Variants in SERPINF2 observed in about 807,000 individuals in gnomAD.
The protein encoded by SERPINF2 is alpha-2-antiplasmin.
SERPINF2 carries 15 observed loss-of-function variants against 45.0 expected under a neutral mutation model. The observed-to-expected ratio is 0.33, with a 90% CI of 0.22 to 0.51. The LOEUF is 0.51. Ranked by LOEUF, SERPINF2 falls within the 20% of genes least tolerant of loss-of-function variation. The probability of loss-of-function intolerance (pLI) is 0.97; values close to 1 mark genes in which losing one functional copy is unlikely to be tolerated. For synonymous variants in SERPINF2, 283 were observed against 277.9 expected, an observed-to-expected ratio of 1.02 and a Z score of -0.18; for missense variants, 518 against 637.4, an observed-to-expected ratio of 0.81 and a Z score of 2.02.
At chr17:1,747,538 C>T in intron 7 of SERPINF2, 26 bp downstream of exon 7, 2 of 1,609,274 alleles carry the variant, frequency 1.2e-6, no homozygotes, top group Non-Finnish European at 1.7e-6. Flanking sequence ...TCTCAGATCC[C>T]CCACCCTGTA....
At position 1,754,695 on chromosome 17, in the gene SERPINF2, G is replaced by GGGGGGGGGGGGGGGC; in HGVS notation, c.*161_*162insGGGGGGGGGGGGGGC. 1 of 316,616 alleles carries GGGGGGGGGGGGGGGC rather than the reference G, an allele frequency of 3.2e-6. No individual in the cohort carries two copies. The highest frequency in any genetic ancestry group is 5.7e-6 in the Non-Finnish European group (1 of 175,558). The allele number at this position is 316,616 out of a possible 1,614,324, so 19.6% of individuals were successfully genotyped here. A position where few individuals can be genotyped will look rare whatever the true frequency, so the allele number is the denominator to read the frequency against. On this transcript the variant is annotated 3_prime_UTR_variant, in exon 10 of 10. Coordinates refer to ENST00000453066, the MANE Select transcript of SERPINF2 (RefSeq NM_000934.4). Reference sequence around the variant, plus strand: ...TTGGGGAGTTTAGGGTGGGGGGGGGGCGCGGCTGGGAGGAGGGCAGGCATC... The same window carrying GGGGGGGGGGGGGGGC: ...TTGGGGAGTTTAGGGTGGGGGGGGGGGGGGGGGGGGGGGGCCGCGGCTGGGAGGAGGGCAGGCATC...
rs890040108 is a variant in SERPINF2 at position 1,752,123 on chromosome 17, C to T, written c.859-463C>T. On this transcript the variant is annotated intron_variant, in intron 8 of 9. Transcript: ENST00000453066. ...CTGGAGTGCAGTGGCTTGATCTTGG[C>T]TCATGGCAACCTCTGCCTCCCGGGT... Among the ~76,000 whole-genome samples the T allele has an allele frequency of 1.4e-4, 21 of 149,244 alleles. 3 individuals carry two copies. The highest frequency in any genetic ancestry group is 2.8e-4 in the Non-Finnish European group (19 of 66,932).
chr17:1,754,912 T>G lies in SERPINF2; in HGVS notation c.*378T>G. ...AGGGGGAGAGGGCTGCCTTTGGACTTGTCCCGGGACACCTAGGCTAGGGTG... is the reference window on the plus strand; with the variant it reads ...AGGGGGAGAGGGCTGCCTTTGGACTGGTCCCGGGACACCTAGGCTAGGGTG... On this transcript the variant is annotated 3_prime_UTR_variant, in exon 10 of 10. Coordinates refer to ENST00000453066, the MANE Select transcript of SERPINF2 (RefSeq NM_000934.4). 1 of 298,600 alleles carries G rather than the reference T, an allele frequency of 3.3e-6. No individual in the cohort carries two copies. The highest frequency in any genetic ancestry group is 6.2e-6 in the Non-Finnish European group (1 of 160,032). The allele number at this position is 298,600 out of a possible 1,614,324, so 18.5% of individuals were successfully genotyped here. A position where few individuals can be genotyped will look rare whatever the true frequency, so the allele number is the denominator to read the frequency against.
At chr17:1,746,706 C>T (rs976230575) in intron 5 of SERPINF2, among the ~76,000 whole-genome samples, 3 of 152,080 alleles carry the variant, frequency 2.0e-5, no homozygotes, top group Admixed American at 1.3e-4. Flanking sequence ...GGATTACAGG[C>T]GTGAGCCACC....
rs771886951 is a variant in SERPINF2 at position 1,747,528 on chromosome 17, T to A, written c.715+16T>A. 1 of 1,611,720 alleles carries A rather than the reference T, an allele frequency of 6.2e-7. No individual in the cohort carries two copies. The highest frequency in any genetic ancestry group is 8.5e-7 in the Non-Finnish European group (1 of 1,178,790). ...CACTTCCAGGGTGCGCTCCTCCTCC[T>A]CTCAGATCCCCCACCCTGTAGGCTG... is the stretch of plus-strand genomic sequence containing the variant. On this transcript the variant is annotated intron_variant, in intron 7 of 9. Transcript: ENST00000453066.
chr17:1,744,947 C>A, intron 1 of SERPINF2, 45 bp from the exon 2 acceptor site: 1 of 1,611,838 alleles, frequency 6.2e-7, no homozygotes, highest in Non-Finnish European at 8.5e-7. Flanking sequence ...CCCTGGCGGG[C>A]GTGGGGATGT....
At chr17:1,747,588 C>G in intron 7 of SERPINF2, 76 bp downstream of exon 7, 1 of 1,486,228 alleles carries the variant, frequency 6.7e-7, no homozygotes. Flanking sequence ...TTTTTTGAGA[C>G]AAGTCTCGCT....
At chr17:1,748,445 C>T (rs948052672) in intron 7 of SERPINF2, among the ~76,000 whole-genome samples, 153 bp from the exon 8 acceptor site, 1 of 152,204 alleles carries the variant, frequency 6.6e-6, no homozygotes, top group Admixed American at 6.5e-5. Context: ...GGGTCTTGGC[C>T]TCCACCGCTG....
In SERPINF2 at chr17:1,754,475, G is replaced by C; in HGVS notation, c.1417G>C (p.Asp473His). 2 of 1,609,080 alleles carry C rather than the reference G, an allele frequency of 1.2e-6. No homozygotes were observed. Among genetic ancestry groups the C allele is most frequent in the Non-Finnish European group, 1.7e-6 (2 of 1,177,808 alleles). ...CCGCGGAGACAAGCTTTTCGGCCCT[G>C]ACTTAAAACTTGTGCCCCCCATGGA... ...FPRGDKLFGP[D>H]LKLVPPMEED... Residue 473 changes from aspartate (D) to histidine (H), a missense_variant, in exon 10 of 10, where the codon GAC becomes CAC. Physicochemically the swap from Asp to His is moderately conservative, Grantham distance 81 (BLOSUM62 -1). Transcript: ENST00000453066.
Position 1,754,993 on chromosome 17 carries a change from C to T in SERPINF2, c.*459C>T, listed in dbSNP as rs866037184. 36 of 190,106 alleles carry T rather than the reference C, an allele frequency of 1.9e-4. No individual in the cohort carries two copies. The highest frequency in any genetic ancestry group is 1.1e-3 in the Admixed American group (21 of 18,292). 11.8% of individuals were successfully genotyped at this position (190,106 alleles called of 1,614,324 possible). A position where few individuals can be genotyped will look rare whatever the true frequency, so the allele number is the denominator to read the frequency against. On this transcript the variant is annotated 3_prime_UTR_variant, in exon 10 of 10. Transcript: ENST00000453066. The stretch of plus-strand genomic sequence containing the variant: ...AGGCGAAGCGTTGTCCTCAGCCCCG[C>T]GTGGAACTCGTGTCTGGCACAGCCT...
In SERPINF2 at chr17:1,747,299, C is replaced by T; in HGVS notation, c.512-10C>T. 1.2e-6 allele frequency: 2 copies of T among 1,613,642 alleles called. No individual in the cohort carries two copies. The highest frequency in any genetic ancestry group is 1.7e-6 in the Non-Finnish European group (2 of 1,179,960). On this transcript the variant is annotated splice_polypyrimidine_tract_variant and intron_variant, in intron 6 of 9. Coordinates refer to ENST00000453066, the MANE Select transcript of SERPINF2 (RefSeq NM_000934.4). ...GAGCCCTGGGAACAGCTTGTGCTGC[C>T]TCCGTGCAGGATTTCCCATCAAAGA...
intron 8 of SERPINF2, among the ~76,000 whole-genome samples, chr17:1,750,699 C>T (rs1475226373): frequency 2.6e-5 from 4 of 152,194 alleles, no homozygotes; most frequent in Non-Finnish European, 5.9e-5. Context: ...ACAGCTGTGG[C>T]TGAGATGGCT....
In SERPINF2 at chr17:1,755,003, G is replaced by T. The variant is rs946277812; in HGVS notation, c.*469G>T. 1.1e-5 allele frequency: 2 copies of T among 183,488 alleles called. No homozygotes were observed. The highest frequency in any genetic ancestry group is 2.3e-5 in the Non-Finnish European group (2 of 88,558). The allele number at this position is 183,488 out of a possible 1,614,324, so 11.4% of individuals were successfully genotyped here. A position where few individuals can be genotyped will look rare whatever the true frequency, so the allele number is the denominator to read the frequency against. On this transcript the variant is annotated 3_prime_UTR_variant, in exon 10 of 10. Transcript: ENST00000453066. The surrounding 1 kb of genome is among the most constrained non-coding windows in gnomAD (Gnocchi z 4.2). ...TTGTCCTCAGCCCCGCGTGGAACTC[G>T]TGTCTGGCACAGCCTGGCTGTGGCC...
At position 1,745,321 on chromosome 17, in the gene SERPINF2, T is replaced by C; in HGVS notation, c.103-12T>C. 2 of 1,613,128 alleles carry C rather than the reference T, an allele frequency of 1.2e-6. No homozygotes were observed. The highest frequency in any genetic ancestry group is 2.2e-5 in the East Asian group (1 of 44,868). Reference sequence around the variant, plus strand: ...GAAGGGTCGGTCTCCATCTGCTTGCTCCTTTCCGCAGCTAACTAGCGGGCC... The same window carrying C: ...GAAGGGTCGGTCTCCATCTGCTTGCCCCTTTCCGCAGCTAACTAGCGGGCC... On this transcript the variant is annotated splice_polypyrimidine_tract_variant and intron_variant, in intron 3 of 9. Coordinates refer to ENST00000453066, the MANE Select transcript of SERPINF2 (RefSeq NM_000934.4). This position sits in a 1 kb window ranked among gnomAD's most constrained non-coding sequence, Gnocchi z 6.2.
intron 8 of SERPINF2, among the ~76,000 whole-genome samples, chr17:1,751,896 AG>A (rs1200751396): frequency 7.2e-6 from 1 of 139,304 alleles, no homozygotes; most frequent in Non-Finnish European, 1.6e-5. Flanking sequence ...GTGGTATGAC[AG>A]CCAGTGACCC....
chr17:1,745,352 A>G lies in SERPINF2; in HGVS notation c.122A>G (p.Gln41Arg). The G allele has an allele frequency of 1.2e-6, 2 of 1,611,512 alleles. No homozygotes were observed. Among genetic ancestry groups the G allele is most frequent in the Non-Finnish European group, 1.7e-6 (2 of 1,179,246 alleles). The change falls in exon 4 of 10, where the codon CAG becomes CGG. Residue 41 changes from glutamine (Q) to arginine (R), a missense_variant. Physicochemically the swap from Gln to Arg is conservative, Grantham distance 43. Around this residue, in one of 2 missense-constraint regions of SERPINF2, gnomAD observed 435 missense variants for 577.3 expected, o/e 0.75. Coordinates refer to ENST00000453066, the MANE Select transcript of SERPINF2 (RefSeq NM_000934.4). The surrounding 1 kb of genome is among the most constrained non-coding windows in gnomAD (Gnocchi z 6.2). Reference sequence around the variant, plus strand: ...CCGCAGCTAACTAGCGGGCCGAACCAGGAGCAGGTGTCCCCACTTACCCTC... The same window carrying G: ...CCGCAGCTAACTAGCGGGCCGAACCGGGAGCAGGTGTCCCCACTTACCCTC... ...LGRQLTSGPN[Q>R]EQVSPLTLLK...
chr17:1,753,543 G>A (rs1470305131), intron 9 of SERPINF2, among the ~76,000 whole-genome samples: 4 of 152,122 alleles, frequency 2.6e-5, no homozygotes, highest in African/African-American at 4.8e-5. Flanking sequence ...AAAATTAGCC[G>A]GGCGTGGTGG....
At chr17:1,749,166 G>A (rs1002079156) in intron 8 of SERPINF2, among the ~76,000 whole-genome samples, 1 of 152,142 alleles carries the variant, frequency 6.6e-6, no homozygotes. Flanking sequence ...GGTGGCTCAC[G>A]CCTGTAATCC....
intron 8 of SERPINF2, 30 bp downstream of exon 8, chr17:1,748,770 C>T (rs749085529): frequency 8.7e-7 from 1 of 1,152,670 alleles, no homozygotes; most frequent in African/African-American, 1.5e-5. Flanking sequence ...CAGGCTGGGC[C>T]TGAGGCTGGG....
Sources: gnomAD v4.1 joint callset for allele counts (sites outside exome capture counted in the v4.1 genomes callset) on GRCh38, gnomAD v4.1.1 for gene constraint, gnomAD v4.1.1 regional missense constraint, Gnocchi (gnomAD v3.1) non-coding constraint, MANE v1.5 for transcripts, NCBI Gene and HGNC (gene_info 2026-07-23, HGNC 2026-07-21) for gene names.